The following DMXL2 variants were observed in gnomAD, a reference collection of about 807,000 sequenced individuals.
DMXL2 encodes the protein Dmx like 2, also known as dmX-like protein 2.
Under a neutral mutation model 331.1 loss-of-function variants are expected in DMXL2, and 103 were observed. The observed-to-expected ratio is 0.31, with a 90% CI of 0.27 to 0.37. The LOEUF is 0.37. Among genes scored for constraint, DMXL2 ranks in the 10% least tolerant of loss-of-function variants. DMXL2 has a pLI of 1.00. For synonymous variants in DMXL2, 1,281 were observed against 1,252.1 expected, an observed-to-expected ratio of 1.02 and a Z score of -0.49; for missense variants, 3,171 against 3,642.9, an observed-to-expected ratio of 0.87 and a Z score of 3.33.
chr15:51,543,219 G>A (rs2048701245), intron 8 of DMXL2, among the ~76,000 whole-genome samples: 1 of 152,044 alleles, frequency 6.6e-6, no homozygotes, highest in African/African-American at 2.4e-5. Flanking sequence ...CCACCTCACA[G>A]TAATTCCTTA....
intron 37 of DMXL2, among the ~76,000 whole-genome samples, chr15:51,456,831 C>T (rs1210623084): frequency 6.6e-6 from 1 of 152,126 alleles, no homozygotes; most frequent in East Asian, 1.9e-4. Flanking sequence ...AATAATAGCA[C>T]CTACCACCTA....
intron 23 of DMXL2, 52 bp from the exon 24 acceptor site, chr15:51,481,675 A>C (rs2042019221): frequency 6.9e-7 from 1 of 1,447,164 alleles, no homozygotes; most frequent in East Asian, 2.3e-5. Context: ...ATATGTATTT[A>C]CATTACAAAA....
Position 51,475,551 on chromosome 15 carries a change from C to T in DMXL2, c.6965-959G>A, listed in dbSNP as rs966558519. ...AAGATAGAAAAAAAATCAGAAATGCCCAAATTGAGGGACACTTAAAAAAAC... is the reference window on the plus strand; with the variant it reads ...AAGATAGAAAAAAAATCAGAAATGCTCAAATTGAGGGACACTTAAAAAAAC... On this transcript the variant is annotated intron_variant, in intron 27 of 43. Coordinates refer to ENST00000560891, the MANE Select transcript of DMXL2 (RefSeq NM_001378457.1). 4.6e-5 allele frequency among the ~76,000 whole-genome samples: 7 copies of T among 151,008 alleles called. No individual in the cohort carries two copies. The East Asian group carries it at 1.4e-3, about 29-fold the overall frequency.
intron 9 of DMXL2, among the ~76,000 whole-genome samples, chr15:51,540,878 A>T (rs2048557248): frequency 6.6e-6 from 1 of 152,176 alleles, no homozygotes; most frequent in African/African-American, 2.4e-5. Flanking sequence ...CTACAAGAAC[A>T]TATCCAGTCC....
chr15:51,590,429 T>C (rs916037937), intron 1 of DMXL2, among the ~76,000 whole-genome samples: 2 of 152,122 alleles, frequency 1.3e-5, no homozygotes, highest in African/African-American at 2.4e-5. Flanking sequence ...CAGAAATGAG[T>C]CCCTGATAAC....
Position 51,464,779 on chromosome 15 carries a change from T to C in DMXL2, c.7704A>G (p.Pro2568=), listed in dbSNP as rs779341567. Reference sequence around the variant, plus strand: ...GATATGTGTTGATATAGTTAGGGGGTGGACCTTCAAACTGATCCATTTTCT... The same window carrying C: ...GATATGTGTTGATATAGTTAGGGGGCGGACCTTCAAACTGATCCATTTTCT... ...LQEKMDQFEG[P]PPNYINTYPT... is the part of the protein sequence containing the mutation. The change falls in exon 32 of 44, where the codon CCA becomes CCG. Residue 2568 remains proline (P), a synonymous_variant. Coordinates refer to ENST00000560891, the MANE Select transcript of DMXL2 (RefSeq NM_001378457.1). 1.2e-6 allele frequency: 2 copies of C among 1,614,068 alleles called. No homozygotes were observed. Among genetic ancestry groups the C allele is most frequent in the Middle Eastern group, 1.7e-4 (1 of 6,058 alleles).
At position 51,449,086 on chromosome 15, in the gene DMXL2, G is replaced by T; in HGVS notation, c.9075C>A (p.Ile3025=). Residue 3025 remains isoleucine, a synonymous_variant, in exon 44 of 44, where the codon ATC becomes ATA. Transcript: ENST00000560891. ...IGAGVMQIDI[I]QGNRLFSCGA... ...CACAGGAGAAGAGCCGATTGCCCTG[G>T]ATGATGTCAATCTGCATGACTCCAG... 6.2e-7 allele frequency: 1 copy of T among 1,614,188 alleles called. No homozygotes were observed. Among genetic ancestry groups the T allele is most frequent in the Non-Finnish European group, 8.5e-7 (1 of 1,180,032 alleles).
intron 24 of DMXL2, 97 bp from the exon 25 acceptor site, chr15:51,480,236 T>A: frequency 8.2e-7 from 1 of 1,223,762 alleles, no homozygotes; most frequent in Non-Finnish European, 1.1e-6. Context: ...GTAAAGGGAA[T>A]ATGTTCGCTC....
Position 51,535,681 on chromosome 15 carries a change from C to A in DMXL2, c.2418G>T (p.Leu806Phe), listed in dbSNP as rs776458523. Residue 806 changes from leucine to phenylalanine, a missense_variant, in exon 13 of 44, where the codon TTG becomes TTT. Physicochemically the swap from Leu to Phe is conservative, Grantham distance 22. This residue lies in a region of DMXL2 where 1,674 missense variants were observed against 1,780.2 expected (regional missense o/e 0.94). Coordinates refer to ENST00000560891, the MANE Select transcript of DMXL2 (RefSeq NM_001378457.1). ...VVDARKLLDE[L>F]SDPESSKLIG... Reference sequence around the variant, plus strand: ...TACTTACTGAAGATTCTGGGTCTGACAATTCATCTAATAATTTCCTTGCAT... The same window carrying A: ...TACTTACTGAAGATTCTGGGTCTGAAAATTCATCTAATAATTTCCTTGCAT... 3.1e-6 allele frequency: 5 copies of A among 1,601,584 alleles called. No individual in the cohort carries two copies. The Admixed American group carries it at 8.7e-5, about 28-fold the overall frequency.
In DMXL2 at chr15:51,536,746, C is replaced by T. The variant is rs2048309626; in HGVS notation, c.1734G>A (p.Leu578=). 1 of 1,614,010 alleles carries T rather than the reference C, an allele frequency of 6.2e-7. No homozygotes were observed. Among genetic ancestry groups the T allele is most frequent in the Non-Finnish European group, 8.5e-7 (1 of 1,179,974 alleles). ...CTACAGACATCCCCTCCTGGTGTAA[C>T]AGCGTGTGGTGAGAATCTTTTGTCG... ...INATKDSHHT[L]LHQEGMSVGS... Residue 578 remains leucine (L), a synonymous_variant, in exon 12 of 44, where the codon CTG becomes CTA. Transcript: ENST00000560891.
intron 37 of DMXL2, 53 bp downstream of exon 37, chr15:51,457,275 C>G: frequency 1.3e-6 from 2 of 1,579,680 alleles, no homozygotes; most frequent in Non-Finnish European, 1.7e-6. Context: ...GAGATTCCAA[C>G]TGATTTTTCA....
chr15:51,605,889 G>A (rs1431030780), intron 1 of DMXL2, among the ~76,000 whole-genome samples: 1 of 152,054 alleles, frequency 6.6e-6, no homozygotes, highest in African/African-American at 2.4e-5. Flanking sequence ...CACTCAAAGA[G>A]CTAAAAAAAT....
Position 51,518,278 on chromosome 15 carries a change from AGCCGAGATT to A in DMXL2, c.2437-1120_2437-1112del, listed in dbSNP as rs2047150890. 2.6e-5 allele frequency among the ~76,000 whole-genome samples: 4 copies of A among 152,262 alleles called. No individual in the cohort carries two copies. In the South Asian group the frequency reaches 8.3e-4, roughly 32 times the overall value. On this transcript the variant is annotated intron_variant, in intron 13 of 43. Coordinates refer to ENST00000560891, the MANE Select transcript of DMXL2 (RefSeq NM_001378457.1). ...AACCTGGGAGGCGGAGGTTGCAGTG[AGCCGAGATT>A]GCACCACTGCACTCCAGCCTGGGTG...
intron 2 of DMXL2, among the ~76,000 whole-genome samples, chr15:51,575,684 T>C (rs2050976819): frequency 6.6e-6 from 1 of 152,152 alleles, no homozygotes; most frequent in African/African-American, 2.4e-5. Context: ...CTTGCAGAGT[T>C]TCTTAATAAA....
intron 16 of DMXL2, among the ~76,000 whole-genome samples, chr15:51,504,328 C>G (rs975601545): frequency 2.6e-5 from 4 of 152,082 alleles, no homozygotes; most frequent in African/African-American, 9.7e-5. Context: ...ATCAAGTACT[C>G]AAATCAGAGA....
At chr15:51,456,219 A>G (rs771073694) in intron 38 of DMXL2, 26 bp from the exon 39 acceptor site, 1 of 1,605,084 alleles carries the variant, frequency 6.2e-7, no homozygotes, top group Non-Finnish European at 8.5e-7. Context: ...AAAAGCAGGA[A>G]ATAAGAAATT....
chr15:51,576,203 A>AAAAAAAAAAAAAATT, intron 1 of DMXL2, 22 bp from the exon 2 acceptor site: 1 of 1,373,720 alleles, frequency 7.3e-7, no homozygotes, highest in Non-Finnish European at 9.7e-7. Flanking sequence ...AAAAAAAAAA[A>AAAAAAAAAAAAAATT]GTTTTACAAT....
intron 2 of DMXL2, among the ~76,000 whole-genome samples, chr15:51,573,035 C>T (rs1419309794): frequency 2.6e-5 from 4 of 152,176 alleles, no homozygotes; most frequent in Non-Finnish European, 5.9e-5. Context: ...ATTTAGAAAA[C>T]CCCATTGTCT....
intron 16 of DMXL2, among the ~76,000 whole-genome samples, chr15:51,503,507 T>C (rs1219335691): frequency 6.6e-6 from 1 of 152,162 alleles, no homozygotes; most frequent in Non-Finnish European, 1.5e-5. Context: ...CTCACTCATA[T>C]GTGAGAGCTA....
Sources: allele counts gnomAD v4.1 joint callset (sites outside exome capture counted in the v4.1 genomes callset), GRCh38; gene constraint gnomAD v4.1.1; regional missense constraint gnomAD v4.1.1; transcripts MANE v1.5; gene names NCBI Gene and HGNC (gene_info 2026-07-23, HGNC 2026-07-21).